ZNF469: variants seen among roughly 807,000 people sequenced by gnomAD.
ZNF469 encodes the protein zinc finger protein 469.
A neutral mutation model predicts 1.0 loss-of-function variants in ZNF469; 1 was observed. The ratio of observed to expected loss-of-function variants is 1.00; its 90% CI spans 0.35 to 4.73. The LOEUF (loss-of-function observed/expected upper bound fraction) is 4.73, where lower values mean the gene tolerates loss of function less well. ZNF469 is among the 30% of genes most tolerant of loss of function. The pLI is 0.16. For missense variants in ZNF469, 6,100 were observed against 5,356.3 expected (o/e 1.14, Z -4.33); for synonymous variants, 2,703 against 2,363.4 (o/e 1.14, Z -4.17).
chr16:88,159,927 C>T, the ZNF469 span, among the ~76,000 whole-genome samples: 2 of 152,162 alleles, frequency 1.3e-5, no homozygotes, highest in African/African-American at 4.8e-5. Flanking sequence ...AGCTGCCTCC[C>T]CCGTCTGAAC....
Position 88,432,621 on chromosome 16 carries a change from C to T in ZNF469, c.5151C>T (p.Pro1717=), listed in dbSNP as rs768346137. 10 of 1,550,328 alleles carry T rather than the reference C, an allele frequency of 6.5e-6. 1 individual carries two copies. The highest frequency in any genetic ancestry group is 4.1e-5 in the African/African-American group (3 of 73,060). The stretch of plus-strand genomic sequence containing the variant: ...AGGCAGAAGGAGACAGCAGGCCCCC[C>T]CAAGATGTCTGCCTGCCTGAGCCCA... The part of the protein sequence containing the change: ...LCQAEGDSRP[P]QDVCLPEPSK... The change falls in exon 3 of 3, where the codon CCC becomes CCT. Residue 1717 remains proline, a synonymous_variant. Transcript: ENST00000565624.
At chr16:88,216,627 G>C in the ZNF469 span, among the ~76,000 whole-genome samples, 1 of 152,186 alleles carries the variant, frequency 6.6e-6, no homozygotes, top group Non-Finnish European at 1.5e-5. Flanking sequence ...TTTATATCTG[G>C]TTTTGGAAGT....
At chr16:88,307,718 T>C in the ZNF469 span, among the ~76,000 whole-genome samples, 1 of 152,190 alleles carries the variant, frequency 6.6e-6, no homozygotes. Flanking sequence ...GTTGCAAGAG[T>C]TCTTTATGTG....
At chr16:88,352,685 G>C in the ZNF469 span, among the ~76,000 whole-genome samples, 2 of 152,260 alleles carry the variant, frequency 1.3e-5, no homozygotes, top group African/African-American at 4.8e-5. Flanking sequence ...TCCCTGGCTG[G>C]TAGCAGCCGT....
chr16:88,427,953 A>C lies in ZNF469; in HGVS notation c.483A>C (p.Pro161=). The change falls in exon 3 of 3, where the codon CCA becomes CCC. Residue 161 remains proline, a synonymous_variant. Coordinates refer to ENST00000565624, the MANE Select transcript of ZNF469 (RefSeq NM_001367624.2). ...CCCAGGGCCCTGGGACTGGAGCTCCACTCAGGCCGGGCCTCCCAAGGACTG... is the reference window on the plus strand; with the variant it reads ...CCCAGGGCCCTGGGACTGGAGCTCCCCTCAGGCCGGGCCTCCCAAGGACTG... ...DTPQGPGTGA[P]LRPGLPRTEA... 6.5e-7 allele frequency: 1 copy of C among 1,549,826 alleles called. No individual in the cohort carries two copies. Among genetic ancestry groups the C allele is most frequent in the Non-Finnish European group, 8.7e-7 (1 of 1,146,830 alleles).
At chr16:88,407,613 C>A (rs966776315) in intron 1 of ZNF469, among the ~76,000 whole-genome samples, 9 of 152,216 alleles carry the variant, frequency 5.9e-5, no homozygotes, top group African/African-American at 1.9e-4. Context: ...GAGGCATGGG[C>A]ATAGGAGAGT....
At chr16:88,106,745 C>G in the ZNF469 span, among the ~76,000 whole-genome samples, 1 of 152,264 alleles carries the variant, frequency 6.6e-6, no homozygotes, top group Non-Finnish European at 1.5e-5. Flanking sequence ...GCGTGGATGC[C>G]TGCTGGCCAC....
chr16:88,301,757 G>C, the ZNF469 span, among the ~76,000 whole-genome samples: 276 of 152,320 alleles, frequency 1.8e-3, no homozygotes, highest in Non-Finnish European at 3.1e-3. Flanking sequence ...CTGTCTCTGT[G>C]TACATCCTTT....
chr16:88,158,958 G>C, the ZNF469 span, among the ~76,000 whole-genome samples: 4,684 of 152,208 alleles, frequency 0.031, 225 homozygotes, highest in African/African-American at 0.1. Context: ...AGCTCCCCAG[G>C]TGCACACGTG....
At chr16:88,314,155 T>C in the ZNF469 span, among the ~76,000 whole-genome samples, 4 of 134,796 alleles carry the variant, frequency 3.0e-5, no homozygotes, top group African/African-American at 1.0e-4. Flanking sequence ...GTCATCTCTG[T>C]AATTCAGGCA....
the ZNF469 span, among the ~76,000 whole-genome samples, chr16:88,208,626 T>A: frequency 3.4e-4 from 7 of 20,414 alleles, no homozygotes; most frequent in Non-Finnish European, 4.2e-4. Context: ...GGAGGAGAAG[T>A]GGGAGGGAGA....
At chr16:88,228,991 T>C in the ZNF469 span, among the ~76,000 whole-genome samples, 2 of 152,194 alleles carry the variant, frequency 1.3e-5, no homozygotes, top group African/African-American at 4.8e-5. Context: ...GTCCTCACCG[T>C]CCTTGTCAAG....
At chr16:88,371,175 G>C in the ZNF469 span, among the ~76,000 whole-genome samples, 1 of 152,238 alleles carries the variant, frequency 6.6e-6, no homozygotes, top group Non-Finnish European at 1.5e-5. Context: ...AAGCCTCACT[G>C]ATAGAGCATC....
At position 88,435,369 on chromosome 16, in the gene ZNF469, G is replaced by C; in HGVS notation, c.7899G>C (p.Lys2633Asn). 7.1e-6 allele frequency: 11 copies of C among 1,550,390 alleles called. No individual in the cohort carries two copies. Among genetic ancestry groups the C allele is most frequent in the Non-Finnish European group, 9.6e-6 (11 of 1,146,996 alleles). Residue 2633 changes from lysine to asparagine, a missense_variant, in exon 3 of 3, where the codon AAG (lysine) becomes AAC (asparagine). By Grantham distance (94) the Lys-to-Asn change is moderately conservative. Transcript: ENST00000565624. The part of the protein sequence containing the change: ...SPSHSEGKSN[K>N]KRGKLRGRRL... ...GCCACTCAGAGGGGAAGTCAAATAAGAAAAGGGGAAAGCTGAGAGGGAGAA... is the reference window on the plus strand; with the variant it reads ...GCCACTCAGAGGGGAAGTCAAATAACAAAAGGGGAAAGCTGAGAGGGAGAA...
chr16:88,209,103 C>G, the ZNF469 span, among the ~76,000 whole-genome samples: 15 of 152,072 alleles, frequency 9.9e-5, no homozygotes, highest in African/African-American at 3.4e-4. Flanking sequence ...CACCTGCCCC[C>G]TCTTTTTTTC....
chr16:88,205,978 A>G, the ZNF469 span, among the ~76,000 whole-genome samples: 1 of 152,122 alleles, frequency 6.6e-6, no homozygotes, highest in Non-Finnish European at 1.5e-5. This position sits in a 1 kb window ranked among gnomAD's most constrained non-coding sequence, Gnocchi z 4.2. Flanking sequence ...AGCCCATGAC[A>G]GGCCTGAAGA....
At chr16:88,283,192 G>C in the ZNF469 span, among the ~76,000 whole-genome samples, 2 of 152,038 alleles carry the variant, frequency 1.3e-5, no homozygotes, top group East Asian at 3.9e-4. Context: ...AACGTTTCTG[G>C]GGTGATGGAA....
At chr16:88,299,762 C>T in the ZNF469 span, among the ~76,000 whole-genome samples, 1 of 152,208 alleles carries the variant, frequency 6.6e-6, no homozygotes, top group Non-Finnish European at 1.5e-5. Flanking sequence ...CACTGGCTCT[C>T]ATCCACTTCC....
At chr16:88,266,229 G>A in the ZNF469 span, among the ~76,000 whole-genome samples, 2 of 152,202 alleles carry the variant, frequency 1.3e-5, no homozygotes, top group Admixed American at 6.5e-5. Context: ...CTGGGAGGCC[G>A]GGTTCACGCT....
Sources: gnomAD v4.1 joint callset for allele counts (sites outside exome capture counted in the v4.1 genomes callset) on GRCh38, gnomAD v4.1.1 for gene constraint, Gnocchi (gnomAD v3.1) non-coding constraint, MANE v1.5 for transcripts, NCBI Gene and HGNC (gene_info 2026-07-23, HGNC 2026-07-21) for gene names.